TMEM177: variants seen among roughly 807,000 people sequenced by gnomAD.
TMEM177 encodes the protein transmembrane protein 177.
Under a neutral mutation model 14.2 loss-of-function variants are expected in TMEM177, and 4 were observed. The observed-to-expected ratio is 0.28, with a 90% CI of 0.14 to 0.64. TMEM177 has a LOEUF of 0.64. Among genes scored for constraint, TMEM177 ranks in the 30% least tolerant of loss-of-function variants. The pLI is 0.82. For missense variants in TMEM177, 344 were observed against 405.2 expected (o/e 0.85, Z 1.30); for synonymous variants, 179 against 174.5 (o/e 1.03, Z -0.20).
the TMEM177 span, among the ~76,000 whole-genome samples, chr2:119,701,725 G>A: frequency 6.6e-5 from 10 of 152,300 alleles, no homozygotes; most frequent in Middle Eastern, 3.4e-3. Context: ...GCGGGAGACC[G>A]GGAGTTTTAT....
At chr2:119,695,221 ACTGGGAAAACGCCATGT>A in the TMEM177 span, among the ~76,000 whole-genome samples, 1 of 152,166 alleles carries the variant, frequency 6.6e-6, no homozygotes, top group Admixed American at 6.5e-5. Context: ...GACAAATGGG[ACTGGGAAAACGCCATGT>A]CTTCATTCTC....
downstream of TMEM177, among the ~76,000 whole-genome samples, chr2:119,689,901 C>T (rs1387296883): frequency 6.6e-6 from 1 of 152,174 alleles, no homozygotes; most frequent in Non-Finnish European, 1.5e-5. Context: ...TGAGGACTGG[C>T]TTGTAAGAAG....
chr2:119,704,273 AT>A, the TMEM177 span, among the ~76,000 whole-genome samples: 3 of 152,222 alleles, frequency 2.0e-5, no homozygotes, highest in African/African-American at 7.2e-5. Context: ...ACCAGATTGT[AT>A]TTTTTTAATG....
At chr2:119,700,862 T>A in the TMEM177 span, among the ~76,000 whole-genome samples, 9 of 152,256 alleles carry the variant, frequency 5.9e-5, no homozygotes, top group African/African-American at 2.2e-4. Context: ...ATAGGTAACC[T>A]TGCTTTTTCT....
At chr2:119,692,491 C>T in the TMEM177 span, among the ~76,000 whole-genome samples, 1 of 152,256 alleles carries the variant, frequency 6.6e-6, no homozygotes. Flanking sequence ...ACGAGGTCGG[C>T]GCTGGGGTGG....
the TMEM177 span, among the ~76,000 whole-genome samples, chr2:119,720,032 G>C: frequency 6.6e-6 from 1 of 151,946 alleles, no homozygotes; most frequent in Non-Finnish European, 1.5e-5. Context: ...CTGACCTCAA[G>C]CAATCCTCCC....
chr2:119,706,055 C>T, the TMEM177 span, among the ~76,000 whole-genome samples: 2 of 78,434 alleles, frequency 2.5e-5, no homozygotes, highest in Non-Finnish European at 5.4e-5. Context: ...GGCAGAGTCT[C>T]GCTCTGTCAC....
chr2:119,719,111 A>G, the TMEM177 span, among the ~76,000 whole-genome samples: 1 of 152,268 alleles, frequency 6.6e-6, no homozygotes, highest in East Asian at 1.9e-4. Context: ...CCACAGCTTA[A>G]TGGTCAACAC....
the TMEM177 span, among the ~76,000 whole-genome samples, chr2:119,694,280 C>CCACACACACA: frequency 4.0e-5 from 6 of 149,798 alleles, no homozygotes; most frequent in African/African-American, 1.5e-4. Context: ...GTGTGGTATA[C>CCACACACACA]CACACACACA....
At chr2:119,718,463 G>A in the TMEM177 span, among the ~76,000 whole-genome samples, 1 of 152,076 alleles carries the variant, frequency 6.6e-6, no homozygotes, top group Non-Finnish European at 1.5e-5. Context: ...GGTGAAGGGA[G>A]GCCTTTGGCA....
the TMEM177 span, among the ~76,000 whole-genome samples, chr2:119,694,611 A>T: frequency 8.5e-5 from 13 of 152,212 alleles, no homozygotes; most frequent in Admixed American, 5.9e-4. Context: ...CTTTGAAGGT[A>T]GGTGTGGCCA....
chr2:119,718,999 G>A, the TMEM177 span, among the ~76,000 whole-genome samples: 1 of 152,152 alleles, frequency 6.6e-6, no homozygotes, highest in Non-Finnish European at 1.5e-5. Flanking sequence ...TGGGACCTCG[G>A]TTCTGCATTT....
the TMEM177 span, among the ~76,000 whole-genome samples, chr2:119,710,661 G>T: frequency 1.3e-5 from 2 of 151,526 alleles, no homozygotes; most frequent in Admixed American, 1.3e-4. Context: ...CCAGGCTGGA[G>T]TGCAGTGGCA....
chr2:119,704,523 G>A, the TMEM177 span, among the ~76,000 whole-genome samples: 28 of 152,070 alleles, frequency 1.8e-4, no homozygotes, highest in African/African-American at 6.5e-4. Flanking sequence ...GCTTGAACCT[G>A]GGAGGTGGAG....
chr2:119,693,843 A>G, the TMEM177 span, among the ~76,000 whole-genome samples: 1 of 19,812 alleles, frequency 5.0e-5, no homozygotes, highest in East Asian at 1.6e-3. Flanking sequence ...CCACATACAC[A>G]TCACACCACA....
At chr2:119,684,445 C>T (rs971780260), downstream of TMEM177, among the ~76,000 whole-genome samples, 3 of 152,194 alleles carry the variant, frequency 2.0e-5, no homozygotes, top group African/African-American at 7.2e-5. Context: ...GTGGAGCTAG[C>T]GGCTTAGCAT....
the TMEM177 span, among the ~76,000 whole-genome samples, chr2:119,701,283 G>C: frequency 6.6e-6 from 1 of 152,206 alleles, no homozygotes; most frequent in Admixed American, 6.5e-5. Flanking sequence ...CTTGGGCTTG[G>C]ACAAAAGATC....
At chr2:119,690,378 G>A (rs999199512), downstream of TMEM177, among the ~76,000 whole-genome samples, 2 of 152,300 alleles carry the variant, frequency 1.3e-5, no homozygotes, top group Admixed American at 1.3e-4. Context: ...GTGGAACCAT[G>A]AGCCAGTTAA....
chr2:119,711,454 C>G, the TMEM177 span, among the ~76,000 whole-genome samples: 1 of 152,234 alleles, frequency 6.6e-6, no homozygotes, highest in South Asian at 2.1e-4. Context: ...GCCCCTGGCA[C>G]GTAGGCAGTC....
Sources: gnomAD v4.1 joint callset for allele counts (sites outside exome capture counted in the v4.1 genomes callset) on GRCh38, gnomAD v4.1.1 for gene constraint, MANE v1.5 for transcripts, NCBI Gene and HGNC (gene_info 2026-07-23, HGNC 2026-07-21) for gene names.